Variants in JAK1 observed in about 807,000 individuals in gnomAD.
JAK1 encodes Janus kinase 1, also known as tyrosine-protein kinase JAK1.
A neutral mutation model predicts 136.6 loss-of-function variants in JAK1; 16 were observed. That is an observed-to-expected ratio of 0.12 (90% CI 0.08 to 0.18). The LOEUF (loss-of-function observed/expected upper bound fraction) is 0.18. Among genes scored for constraint, JAK1 ranks in the 10% least tolerant of loss-of-function variants. JAK1 has a pLI of 1.00. For synonymous variants in JAK1, 492 were observed against 519.5 expected, an observed-to-expected ratio of 0.95 and a Z score of 0.72; for missense variants, 859 against 1,450.1, an observed-to-expected ratio of 0.59 and a Z score of 6.62.
intron 2 of JAK1, chr1:64,991,376 A>C (rs2100724625): frequency 6.6e-6 from 1 of 152,298 alleles, no homozygotes; most frequent in African/African-American, 2.4e-5. Flanking sequence ...TGGCTTGTAG[A>C]TTGCTGCTCT....
At chr1:64,838,680 A>G (rs1570605583) in intron 20 of JAK1, 91 bp from the exon 21 acceptor site, 1 of 1,327,142 alleles carries the variant, frequency 7.5e-7, no homozygotes, top group Admixed American at 2.0e-5. Context: ...AGAGGCCCTG[A>G]GGTGACGCCA....
intron 19 of JAK1, among the ~76,000 whole-genome samples, 200 bp from the exon 20 acceptor site, chr1:64,839,995 C>T (rs999143214): frequency 6.6e-6 from 1 of 152,238 alleles, no homozygotes; most frequent in African/African-American, 2.4e-5. Flanking sequence ...ACTGTCCCCT[C>T]AGTTACTGAG....
chr1:65,058,296 C>T (rs1647638395), intron 1 of JAK1: 2 of 439,770 alleles, frequency 4.5e-6, no homozygotes, highest in African/African-American at 2.1e-5. Context: ...CAGAATAACT[C>T]TCCCTATGCC....
Position 64,841,548 on chromosome 1 carries a change from C to T in JAK1, c.2457G>A (p.Glu819=), listed in dbSNP as rs1450451883. Residue 819 remains glutamate (E), a synonymous_variant, in exon 18 of 25, where the codon GAG becomes GAA. Coordinates refer to ENST00000342505, the MANE Select transcript of JAK1 (RefSeq NM_002227.4). The part of the protein sequence containing the change: ...RCRPVTPSCK[E]LADLMTRCMN... Reference sequence around the variant, plus strand: ...TGCAGCGGGTCATGAGGTCAGCCAGCTCCTTACATGATGGTGTCACTGGCC... The same window carrying T: ...TGCAGCGGGTCATGAGGTCAGCCAGTTCCTTACATGATGGTGTCACTGGCC... 1 of 1,614,154 alleles carries T rather than the reference C, an allele frequency of 6.2e-7. No individual in the cohort carries two copies.
chr1:65,024,923 G>A (rs1354890047), intron 2 of JAK1, among the ~76,000 whole-genome samples: 1 of 152,146 alleles, frequency 6.6e-6, no homozygotes, highest in Non-Finnish European at 1.5e-5. Context: ...GATGCAGTGA[G>A]CCGAGATCGT....
Position 64,834,672 on chromosome 1 carries a change from A to G in JAK1, c.3370-15T>C, listed in dbSNP as rs1213659803. ...AGTTGATAAACCTGTAAAAAGAAAG[A>G]AGTAACAACAGTAAAAATGTTAGAT... On this transcript the variant is annotated splice_polypyrimidine_tract_variant and intron_variant, in intron 24 of 24. Coordinates refer to ENST00000342505, the MANE Select transcript of JAK1 (RefSeq NM_002227.4). 2.7e-6 allele frequency: 4 copies of G among 1,487,822 alleles called. No individual in the cohort carries two copies. The highest frequency in any genetic ancestry group is 1.4e-5 in the African/African-American group (1 of 72,228). 92.2% of individuals were successfully genotyped at this position (1,487,822 alleles called of 1,614,324 possible). A position where few individuals can be genotyped will look rare whatever the true frequency, so the allele number is the denominator to read the frequency against.
chr1:64,915,295 G>A (rs972979346), intron 1 of JAK1, among the ~76,000 whole-genome samples: 4 of 152,110 alleles, frequency 2.6e-5, no homozygotes, highest in African/African-American at 9.7e-5. Context: ...AAAAGAAGAG[G>A]AGAAAACTAC....
intron 1 of JAK1, among the ~76,000 whole-genome samples, chr1:64,905,346 C>T (rs1226197327): frequency 2.0e-5 from 3 of 152,186 alleles, no homozygotes; most frequent in South Asian, 2.1e-4. Context: ...AAGCAGACAA[C>T]GTCAACTGTA....
chr1:64,881,055 G>A (rs780183223), intron 3 of JAK1, among the ~76,000 whole-genome samples: 1 of 151,710 alleles, frequency 6.6e-6, no homozygotes, highest in Non-Finnish European at 1.5e-5. Context: ...GATCACTTGA[G>A]GTCAAGAGTT....
intron 2 of JAK1, among the ~76,000 whole-genome samples, chr1:65,026,889 C>T (rs1260622039): frequency 6.6e-6 from 1 of 151,750 alleles, no homozygotes; most frequent in Admixed American, 6.6e-5. Context: ...GAGGTAGAGG[C>T]TGCAGTGAGC....
At chr1:64,982,265 T>A (rs1336010596) in intron 2 of JAK1, among the ~76,000 whole-genome samples, 1 of 152,186 alleles carries the variant, frequency 6.6e-6, no homozygotes, top group Non-Finnish European at 1.5e-5. Flanking sequence ...CACTCAGGTC[T>A]GACATTCAGA....
intron 1 of JAK1, among the ~76,000 whole-genome samples, chr1:65,051,316 A>G (rs781333812): frequency 1.7e-4 from 26 of 152,192 alleles, no homozygotes; most frequent in Non-Finnish European, 3.1e-4. Context: ...AAGGGTGTCT[A>G]TATTCCCAGT....
chr1:64,836,677 T>A (rs1444319008), intron 22 of JAK1, among the ~76,000 whole-genome samples: 2 of 151,906 alleles, frequency 1.3e-5, no homozygotes, highest in Non-Finnish European at 2.9e-5. Context: ...CCGCACCCAA[T>A]CTCCTTATAT....
At chr1:64,926,429 A>G (rs1645583865) in intron 1 of JAK1, among the ~76,000 whole-genome samples, 1 of 136,394 alleles carries the variant, frequency 7.3e-6, no homozygotes, top group African/African-American at 2.8e-5. Flanking sequence ...CTTCAGAGCC[A>G]TCGCAGCACT....
chr1:64,923,118 C>A (rs955065778), intron 1 of JAK1, among the ~76,000 whole-genome samples: 1 of 152,100 alleles, frequency 6.6e-6, no homozygotes, highest in Non-Finnish European at 1.5e-5. Flanking sequence ...TACTTACTAC[C>A]CTTCAAGGCC....
In JAK1 at chr1:65,058,401, C is replaced by T. The variant is rs374302762; in HGVS notation, c.-181+9203G>A. The T allele has an allele frequency of 3.6e-5, 19 of 533,828 alleles. No individual in the cohort carries two copies. In the Middle Eastern group the frequency reaches 9.6e-4, roughly 27 times the overall value. The allele number at this position is 533,828 out of a possible 1,614,324, so 33.1% of individuals were successfully genotyped here. A position where few individuals can be genotyped will look rare whatever the true frequency, so the allele number is the denominator to read the frequency against. ...CTTTCACCTTCTTTCTTCCTGGGTA[C>T]GGTGAGGCTCCTCTGATGGAAGGTA... On this transcript the variant is annotated intron_variant, in intron 1 of 25. Transcript: ENST00000671954.
chr1:65,007,886 C>T (rs1219820916), intron 2 of JAK1, among the ~76,000 whole-genome samples: 3 of 151,972 alleles, frequency 2.0e-5, no homozygotes, highest in African/African-American at 7.3e-5. Context: ...AGTGGGGCTA[C>T]AGGTGCACAC....
chr1:64,901,992 G>A (rs928292307), intron 1 of JAK1, among the ~76,000 whole-genome samples: 4 of 151,988 alleles, frequency 2.6e-5, no homozygotes, highest in Admixed American at 6.5e-5. Context: ...GGGCATTTAC[G>A]TTTTTTTAAA....
intron 19 of JAK1, among the ~76,000 whole-genome samples, 163 bp from the exon 20 acceptor site, chr1:64,839,958 A>G (rs1654784525): frequency 1.3e-5 from 2 of 152,212 alleles, no homozygotes; most frequent in Admixed American, 6.5e-5. Context: ...TGCTCACTAC[A>G]GCCCCCTCGC....
Sources: gnomAD v4.1 joint callset for allele counts (sites outside exome capture counted in the v4.1 genomes callset) on GRCh38, gnomAD v4.1.1 for gene constraint, MANE v1.5 for transcripts, NCBI Gene and HGNC (gene_info 2026-07-23, HGNC 2026-07-21) for gene names.